ATXN10: variants seen among roughly 807,000 people sequenced by gnomAD.
ATXN10 encodes the protein ataxin 10, also known as ataxin-10.
A neutral mutation model predicts 52.9 loss-of-function variants in ATXN10; 28 were observed. The ratio of observed to expected loss-of-function variants is 0.53; its 90% CI spans 0.39 to 0.73. The LOEUF (loss-of-function observed/expected upper bound fraction) is 0.73. Ranked by LOEUF, ATXN10 falls within the 30% of genes least tolerant of loss-of-function variation. ATXN10 has a pLI of 0.00. For missense variants in ATXN10, 565 were observed against 577.0 expected (o/e 0.98, Z 0.21); for synonymous variants, 226 against 221.5 (o/e 1.02, Z -0.18).
In ATXN10 at chr22:45,684,641, T is replaced by C. The variant is rs1357181469; in HGVS notation, c.117-5071T>C. Among the ~76,000 whole-genome samples the C allele has an allele frequency of 6.6e-6, 1 of 152,172 alleles. No homozygotes were observed. The highest frequency in any genetic ancestry group is 1.5e-5 in the Non-Finnish European group (1 of 68,032). On this transcript the variant is annotated intron_variant, in intron 1 of 11. Coordinates refer to ENST00000252934, the MANE Select transcript of ATXN10 (RefSeq NM_013236.4). This position sits in a 1 kb window ranked among gnomAD's most constrained non-coding sequence, Gnocchi z 4.1. Reference sequence around the variant, plus strand: ...GGGGAGTTGAGAGTGTGACAGAGGCTGTTTGGCCATCAGAGCTGGAAATAT... The same window carrying C: ...GGGGAGTTGAGAGTGTGACAGAGGCCGTTTGGCCATCAGAGCTGGAAATAT...
chr22:45,769,640 A>G lies in ATXN10; in HGVS notation c.1173+29102A>G, dbSNP rs1049758030. Among the ~76,000 whole-genome samples, 1 of 152,198 alleles carries G rather than the reference A, an allele frequency of 6.6e-6. No homozygotes were observed. On this transcript the variant is annotated intron_variant, in intron 9 of 11. Transcript: ENST00000252934. The surrounding 1 kb of genome is among the most constrained non-coding windows in gnomAD (Gnocchi z 4.2). ...GCTGAAGCTAGAGAGAATCTCAAAT[A>G]GACTTGGTCAAGAAAAGAAGACCAA... is the stretch of plus-strand genomic sequence containing the variant.
chr22:45,810,220 CA>C (rs1238827052), intron 10 of ATXN10, among the ~76,000 whole-genome samples: 1 of 152,162 alleles, frequency 6.6e-6, no homozygotes, highest in African/African-American at 2.4e-5. Flanking sequence ...AGAATTGATA[CA>C]AGTTTTGAGT....
In ATXN10 at chr22:45,824,554, G is replaced by C. The variant is rs898623823; in HGVS notation, c.1237+17532G>C. ...ATCCCTTAGTTGAAAATTGGTAAAGGGAAAATGAGGAAACTCTAAGAATCG... is the reference window on the plus strand; with the variant it reads ...ATCCCTTAGTTGAAAATTGGTAAAGCGAAAATGAGGAAACTCTAAGAATCG... On this transcript the variant is annotated intron_variant, in intron 10 of 11. Transcript: ENST00000252934. This position sits in a 1 kb window ranked among gnomAD's most constrained non-coding sequence, Gnocchi z 5.2. Among the ~76,000 whole-genome samples, 2 of 152,104 alleles carry C rather than the reference G, an allele frequency of 1.3e-5. No homozygotes were observed. Among genetic ancestry groups the C allele is most frequent in the African/African-American group, 4.8e-5 (2 of 41,400 alleles).
At chr22:45,765,950 C>G (rs1926566639) in intron 9 of ATXN10, among the ~76,000 whole-genome samples, 2 of 152,096 alleles carry the variant, frequency 1.3e-5, no homozygotes, top group African/African-American at 4.8e-5. Flanking sequence ...AAAATAACAG[C>G]TAGTTCTACC....
intron 5 of ATXN10, among the ~76,000 whole-genome samples, chr22:45,706,826 T>C (rs1245418080): frequency 2.0e-5 from 3 of 152,222 alleles, no homozygotes; most frequent in Admixed American, 6.5e-5. Flanking sequence ...TACACTTGAA[T>C]AGAATGTGTA....
chr22:45,751,211 G>A (rs1220816933), intron 9 of ATXN10, among the ~76,000 whole-genome samples: 1 of 152,162 alleles, frequency 6.6e-6, no homozygotes, highest in Non-Finnish European at 1.5e-5. Context: ...GATTACAGGT[G>A]TGAGCCACCA....
chr22:45,833,938 G>A lies in ATXN10; in HGVS notation c.1238-9053G>A, dbSNP rs376195591. 7.9e-5 allele frequency among the ~76,000 whole-genome samples: 12 copies of A among 152,242 alleles called. No homozygotes were observed. The South Asian group carries it at 1.7e-3, about 21-fold the overall frequency. On this transcript the variant is annotated intron_variant, in intron 10 of 11. Coordinates refer to ENST00000252934, the MANE Select transcript of ATXN10 (RefSeq NM_013236.4). This position sits in a 1 kb window ranked among gnomAD's most constrained non-coding sequence, Gnocchi z 4.3. ...ATCCACCTTGAACACATCCAGTTGC[G>A]GGACCTTGGCCATGTTCGCCTCTGT...
chr22:45,685,652 A>G (rs1221585445), intron 1 of ATXN10, among the ~76,000 whole-genome samples: 1 of 152,220 alleles, frequency 6.6e-6, no homozygotes, highest in Non-Finnish European at 1.5e-5. Flanking sequence ...CTGTAATGCC[A>G]AATAGTTTTC....
intron 6 of ATXN10, among the ~76,000 whole-genome samples, chr22:45,721,725 T>C (rs1435986701): frequency 6.6e-6 from 1 of 152,220 alleles, no homozygotes; most frequent in Non-Finnish European, 1.5e-5. Context: ...CCTTGTCATT[T>C]AATCCTCACA....
chr22:45,672,013 C>A lies in ATXN10; in HGVS notation c.-51C>A. 2 of 1,524,488 alleles carry A rather than the reference C, an allele frequency of 1.3e-6. No individual in the cohort carries two copies. The highest frequency in any genetic ancestry group is 8.8e-7 in the Non-Finnish European group (1 of 1,138,428). 94.4% of individuals were successfully genotyped at this position (1,524,488 alleles called of 1,614,324 possible). ...CTCCTCGTCATCCTCCCCCTTCGTCCTCCTCGCCTTCCTCCTCCTCGTCAG... is the reference window on the plus strand; with the variant it reads ...CTCCTCGTCATCCTCCCCCTTCGTCATCCTCGCCTTCCTCCTCCTCGTCAG... On this transcript the variant is annotated 5_prime_UTR_variant, in exon 1 of 12. Coordinates refer to ENST00000252934, the MANE Select transcript of ATXN10 (RefSeq NM_013236.4).
At chr22:45,706,031 C>T (rs929348942) in intron 5 of ATXN10, among the ~76,000 whole-genome samples, 6 of 152,172 alleles carry the variant, frequency 3.9e-5, no homozygotes, top group Admixed American at 2.0e-4. Context: ...GTCTCACACT[C>T]CTTATGAGAA....
intron 10 of ATXN10, among the ~76,000 whole-genome samples, chr22:45,807,428 T>A (rs1928138123): frequency 6.6e-6 from 1 of 152,196 alleles, no homozygotes; most frequent in African/African-American, 2.4e-5. Flanking sequence ...GAAGTACTGT[T>A]TTAACAAGGG....
intron 9 of ATXN10, among the ~76,000 whole-genome samples, chr22:45,773,289 A>C (rs916817239): frequency 2.0e-5 from 3 of 152,088 alleles, no homozygotes; most frequent in Non-Finnish European, 4.4e-5. Context: ...ATAAGGATGA[A>C]GTTTTATTTC....
Position 45,835,723 on chromosome 22 carries a change from G to A in ATXN10, c.1238-7268G>A, listed in dbSNP as rs552942028. On this transcript the variant is annotated intron_variant, in intron 10 of 11. Coordinates refer to ENST00000252934, the MANE Select transcript of ATXN10 (RefSeq NM_013236.4). The surrounding 1 kb of genome is among the most constrained non-coding windows in gnomAD (Gnocchi z 5.0). Reference sequence around the variant, plus strand: ...GTTGCTGAGATGGCTTTTTCCCTCCGGAAAGACTGAAACTGCTCTTTCTTA... The same window carrying A: ...GTTGCTGAGATGGCTTTTTCCCTCCAGAAAGACTGAAACTGCTCTTTCTTA... Among the ~76,000 whole-genome samples the A allele has an allele frequency of 6.0e-4, 92 of 152,248 alleles. No homozygotes were observed. The highest frequency in any genetic ancestry group is 7.5e-4 in the Non-Finnish European group (51 of 68,020).
At chr22:45,729,853 T>C in intron 7 of ATXN10, 1 of 466,856 alleles carries the variant, frequency 2.1e-6, no homozygotes. Context: ...CGTAGACATG[T>C]GCACATATGT....
In ATXN10 at chr22:45,829,162, A is replaced by G. The variant is rs1461678496; in HGVS notation, c.1238-13829A>G. Among the ~76,000 whole-genome samples, 6 of 152,210 alleles carry G rather than the reference A, an allele frequency of 3.9e-5. No individual in the cohort carries two copies. The East Asian group carries it at 9.6e-4, about 24-fold the overall frequency. ...GTTGATGCAGAAAAAGCATTTGACAAAATTCAACATCTCTTCATGATAAAA... is the reference window on the plus strand; with the variant it reads ...GTTGATGCAGAAAAAGCATTTGACAGAATTCAACATCTCTTCATGATAAAA... On this transcript the variant is annotated intron_variant, in intron 10 of 11. Coordinates refer to ENST00000252934, the MANE Select transcript of ATXN10 (RefSeq NM_013236.4).
intron 9 of ATXN10, among the ~76,000 whole-genome samples, chr22:45,776,806 T>C (rs77964836): frequency 0.043 from 6,610 of 152,308 alleles, 499 homozygotes; most frequent in African/African-American, 0.15. Flanking sequence ...TGCTGCCAGT[T>C]TTTTTAAGCA....
At chr22:45,773,604 T>A (rs903008928) in intron 9 of ATXN10, among the ~76,000 whole-genome samples, 1 of 152,064 alleles carries the variant, frequency 6.6e-6, no homozygotes, top group Admixed American at 6.6e-5. Context: ...GATTACAGGC[T>A]GCACCATCAT....
At chr22:45,741,057 A>G (rs1925515673) in intron 9 of ATXN10, among the ~76,000 whole-genome samples, 1 of 152,164 alleles carries the variant, frequency 6.6e-6, no homozygotes. Context: ...ATGTGAGAGA[A>G]TGGTAAGAAA....
Sources: allele counts gnomAD v4.1 joint callset (sites outside exome capture counted in the v4.1 genomes callset), GRCh38; gene constraint gnomAD v4.1.1; non-coding constraint Gnocchi (gnomAD v3.1); transcripts MANE v1.5; gene names NCBI Gene and HGNC (gene_info 2026-07-23, HGNC 2026-07-21).